WDR59: variants seen among roughly 807,000 people sequenced by gnomAD.
WDR59 encodes the protein WD repeat domain 59, also known as GATOR2 complex protein WDR59.
WDR59 carries 100 observed loss-of-function variants against 131.2 expected under a neutral mutation model. The observed-to-expected ratio is 0.76, with a 90% CI of 0.65 to 0.90. The LOEUF (loss-of-function observed/expected upper bound fraction) is 0.90, where lower values mean the gene tolerates loss of function less well. Among genes scored for constraint, WDR59 ranks in the 40% least tolerant of loss-of-function variants. WDR59 has a pLI of 0.00. For missense variants in WDR59, 1,203 were observed against 1,262.2 expected, an observed-to-expected ratio of 0.95 and a Z score of 0.71; for synonymous variants, 601 against 466.2, an observed-to-expected ratio of 1.29 and a Z score of -3.72.
At chr16:74,956,721 C>A in intron 2 of WDR59, 111 bp from the exon 3 acceptor site, 10 of 1,329,876 alleles carry the variant, frequency 7.5e-6, no homozygotes, top group Non-Finnish European at 1.0e-5. Context: ...CTCCAAAAAA[C>A]CCAAACACAC....
At chr16:74,916,969 A>C (rs929879023) in intron 11 of WDR59, among the ~76,000 whole-genome samples, 3 of 152,218 alleles carry the variant, frequency 2.0e-5, no homozygotes, top group African/African-American at 7.2e-5. Context: ...CAAACTGCTC[A>C]AGAGTGACTT....
At chr16:74,964,931 G>C (rs999994202) in intron 2 of WDR59, among the ~76,000 whole-genome samples, 1 of 152,082 alleles carries the variant, frequency 6.6e-6, no homozygotes, top group African/African-American at 2.4e-5. Context: ...GGGCGTGGTG[G>C]CACGTGCCTA....
At chr16:74,899,605 A>G (rs1965452044) in intron 18 of WDR59, 1 of 1,057,820 alleles carries the variant, frequency 9.5e-7, no homozygotes, top group African/African-American at 1.6e-5. Flanking sequence ...CTGTCATTTC[A>G]GGTTCCTCAA....
chr16:74,966,424 G>T (rs1327880252), intron 1 of WDR59, among the ~76,000 whole-genome samples: 1 of 152,076 alleles, frequency 6.6e-6, no homozygotes, highest in Non-Finnish European at 1.5e-5. Flanking sequence ...AGGGTGCAGT[G>T]ACTCGAGATT....
At position 74,892,508 on chromosome 16, in the gene WDR59, G is replaced by C; in HGVS notation, c.2058C>G (p.Leu686=). The C allele has an allele frequency of 6.2e-7, 1 of 1,613,768 alleles. No homozygotes were observed. The highest frequency in any genetic ancestry group is 8.5e-7 in the Non-Finnish European group (1 of 1,179,870). The part of the protein sequence containing the change: ...TCQKNAASAL[L]VGRKDLVQVW... ...CCTGGACAAGATCCTTTCTTCCAAC[G>C]AGCAAGGCAGAGGCGGCATTCTTCT... The change falls in exon 20 of 26, where the codon CTC becomes CTG. Residue 686 remains leucine, a synonymous_variant. Transcript: ENST00000262144.
At chr16:74,952,390 T>C (rs1191445989) in intron 3 of WDR59, among the ~76,000 whole-genome samples, 3 of 143,000 alleles carry the variant, frequency 2.1e-5, no homozygotes, top group Non-Finnish European at 3.0e-5. Context: ...AATAGTAAGC[T>C]GTGATTGTGC....
At chr16:74,923,127 T>A (rs1348458631) in intron 9 of WDR59, among the ~76,000 whole-genome samples, 2 of 152,222 alleles carry the variant, frequency 1.3e-5, no homozygotes. Flanking sequence ...CAGAATTGTA[T>A]ACTTTGGTGG....
At chr16:74,882,388 T>C (rs1367294490) in intron 25 of WDR59, among the ~76,000 whole-genome samples, 3 of 152,190 alleles carry the variant, frequency 2.0e-5, no homozygotes, top group South Asian at 2.1e-4. Flanking sequence ...CCTATTAAAA[T>C]AATCCTTGAA....
intron 6 of WDR59, among the ~76,000 whole-genome samples, chr16:74,943,947 G>C (rs973032105): frequency 6.6e-6 from 1 of 152,184 alleles, no homozygotes; most frequent in African/African-American, 2.4e-5. Flanking sequence ...ACAAATGGTG[G>C]AGACCAGTGA....
At position 74,888,372 on chromosome 16, in the gene WDR59, G is replaced by A. The variant is rs538965970; in HGVS notation, c.2196-53C>T. 131 of 1,564,276 alleles carry A rather than the reference G, an allele frequency of 8.4e-5. No homozygotes were observed. In the African/African-American group the frequency reaches 1.6e-3, roughly 20 times the overall value. On this transcript the variant is annotated intron_variant, in intron 21 of 25. Transcript: ENST00000262144. ...CAAGTCAGGAGGAGGGATTGAGGAG[G>A]AAAGCGGTCACAGTCATGGCGTGTT...
Position 74,893,663 on chromosome 16 carries a change from G to A in WDR59, c.2000+16C>T. On this transcript the variant is annotated intron_variant, in intron 19 of 25. Transcript: ENST00000262144. ...GCTAAATGATGAGTGCAGCAGACTT[G>A]AAATTTTGTACTTACATGTACAGCT... 2 of 1,612,422 alleles carry A rather than the reference G, an allele frequency of 1.2e-6. No individual in the cohort carries two copies. Among genetic ancestry groups the A allele is most frequent in the Admixed American group, 1.7e-5 (1 of 59,910 alleles).
intron 18 of WDR59, 77 bp downstream of exon 18, chr16:74,903,870 G>A: frequency 6.7e-7 from 1 of 1,499,704 alleles, no homozygotes; most frequent in Non-Finnish European, 9.0e-7. Flanking sequence ...TAATCTAGCT[G>A]CTGCGCCAGG....
intron 8 of WDR59, among the ~76,000 whole-genome samples, chr16:74,929,448 T>C (rs1274089873): frequency 6.6e-6 from 1 of 152,132 alleles, no homozygotes; most frequent in Non-Finnish European, 1.5e-5. Flanking sequence ...TCACTGATCA[T>C]CAGAGAAATG....
intron 20 of WDR59, among the ~76,000 whole-genome samples, chr16:74,890,790 A>G (rs1965003458): frequency 6.6e-6 from 1 of 152,166 alleles, no homozygotes; most frequent in Non-Finnish European, 1.5e-5. Flanking sequence ...CCATCATGTC[A>G]TAAGCAAAGT....
At chr16:74,894,954 G>A (rs1249375126) in intron 18 of WDR59, among the ~76,000 whole-genome samples, 1 of 152,050 alleles carries the variant, frequency 6.6e-6, no homozygotes, top group Non-Finnish European at 1.5e-5. Context: ...TAAACTCTCA[G>A]GAATTTAAAT....
rs2030925788 is a variant in WDR59 at position 74,927,443 on chromosome 16, C to G, written c.652-3440G>C. The stretch of plus-strand genomic sequence containing the variant: ...ACTCTACTAAAAATACACAAATTAG[C>G]CAGGCATGGTGGCACACGCCTGGAG... On this transcript the variant is annotated intron_variant, in intron 8 of 25. Coordinates refer to ENST00000262144, the MANE Select transcript of WDR59 (RefSeq NM_030581.4). Among the ~76,000 whole-genome samples the G allele has an allele frequency of 2.0e-5, 3 of 151,984 alleles. No homozygotes were observed. The South Asian group carries it at 6.2e-4, about 32-fold the overall frequency.
At position 74,922,112 on chromosome 16, in the gene WDR59, G is replaced by A. The variant is rs943629071; in HGVS notation, c.730-9C>T. On this transcript the variant is annotated splice_polypyrimidine_tract_variant and intron_variant, in intron 9 of 25. Transcript: ENST00000262144. ...AATCCATTGCTGAAAGGCTAAGGCAGGGAAGGGAAAAGCAGGTGATTAGAT... is the reference window on the plus strand; with the variant it reads ...AATCCATTGCTGAAAGGCTAAGGCAAGGAAGGGAAAAGCAGGTGATTAGAT... 3.2e-5 allele frequency: 52 copies of A among 1,613,714 alleles called. No individual in the cohort carries two copies. The highest frequency in any genetic ancestry group is 4.4e-5 in the Non-Finnish European group (52 of 1,179,920).
chr16:74,914,937 C>T (rs1328539117), intron 13 of WDR59, among the ~76,000 whole-genome samples: 1 of 152,166 alleles, frequency 6.6e-6, no homozygotes, highest in Non-Finnish European at 1.5e-5. Context: ...TGTAACAGCA[C>T]ATATTTGGGT....
At chr16:74,952,296 G>A (rs2033046373) in intron 3 of WDR59, among the ~76,000 whole-genome samples, 1 of 151,732 alleles carries the variant, frequency 6.6e-6, no homozygotes, top group Admixed American at 6.6e-5. Flanking sequence ...TTAAATATTA[G>A]CCAGTCATGG....
Sources: allele counts gnomAD v4.1 joint callset (sites outside exome capture counted in the v4.1 genomes callset), GRCh38; gene constraint gnomAD v4.1.1; transcripts MANE v1.5; gene names NCBI Gene and HGNC (gene_info 2026-07-23, HGNC 2026-07-21).